Variants in DLG1 observed in about 807,000 individuals in gnomAD.
The protein encoded by DLG1 is disks large homolog 1.
Under a neutral mutation model 123.4 loss-of-function variants are expected in DLG1, and 42 were observed. The ratio of observed to expected loss-of-function variants is 0.34; its 90% CI spans 0.27 to 0.44. DLG1 has a LOEUF of 0.44. DLG1 is among the 20% of genes least tolerant of loss of function. The probability of loss-of-function intolerance (pLI) is 1.00; values close to 1 mark genes in which losing one functional copy is unlikely to be tolerated. For synonymous variants in DLG1, 317 were observed against 356.2 expected, an observed-to-expected ratio of 0.89 and a Z score of 1.24; for missense variants, 942 against 1,082.6, an observed-to-expected ratio of 0.87 and a Z score of 1.82.
chr3:197,163,150 A>T (rs959584765), intron 5 of DLG1, among the ~76,000 whole-genome samples: 2 of 152,214 alleles, frequency 1.3e-5, no homozygotes, highest in African/African-American at 4.8e-5. Context: ...ATAATGAGAG[A>T]TTACTTCACC....
intron 4 of DLG1, among the ~76,000 whole-genome samples, chr3:197,210,547 T>A (rs1208827114): frequency 7.1e-6 from 1 of 141,582 alleles, no homozygotes; most frequent in South Asian, 2.7e-4. Flanking sequence ...ATCAAGAAAT[T>A]CCCCAAAAAA....
chr3:197,113,309 T>C (rs1771150872), intron 13 of DLG1, among the ~76,000 whole-genome samples: 1 of 152,148 alleles, frequency 6.6e-6, no homozygotes, highest in Non-Finnish European at 1.5e-5. Context: ...GAAATGAGAT[T>C]CTTCTTCTTT....
intron 5 of DLG1, among the ~76,000 whole-genome samples, chr3:197,186,848 G>C (rs560570364): frequency 6.6e-6 from 1 of 152,058 alleles, no homozygotes; most frequent in Non-Finnish European, 1.5e-5. Flanking sequence ...ACGTAGCTGA[G>C]GTTACCACCA....
chr3:197,152,487 C>G (rs897957129), intron 5 of DLG1, among the ~76,000 whole-genome samples: 2 of 130,730 alleles, frequency 1.5e-5, no homozygotes, highest in African/African-American at 5.9e-5. Context: ...TTTTAAAACT[C>G]AAGTTTAGGC....
At chr3:197,082,480 G>A (rs375043546) in intron 16 of DLG1, among the ~76,000 whole-genome samples, 1 of 152,116 alleles carries the variant, frequency 6.6e-6, no homozygotes, top group African/African-American at 2.4e-5. Context: ...CTTATCAACA[G>A]CACCACAAAA....
chr3:197,298,373 A>C (rs1423572705), intron 1 of DLG1, 163 bp downstream of exon 1: 1 of 397,430 alleles, frequency 2.5e-6, no homozygotes, highest in East Asian at 3.6e-5. Context: ...TAACACTCGG[A>C]CTCCACAGGT....
intron 9 of DLG1, among the ~76,000 whole-genome samples, chr3:197,137,749 T>C (rs1241159793): frequency 6.6e-6 from 1 of 152,022 alleles, no homozygotes; most frequent in Non-Finnish European, 1.5e-5. Context: ...GTGGGAGAAC[T>C]GCTTGAGCCC....
At chr3:197,297,892 C>A (rs1176306597) in intron 1 of DLG1, 3 of 984,704 alleles carry the variant, frequency 3.0e-6, no homozygotes, top group Non-Finnish European at 3.6e-6. Context: ...CACGTACCCC[C>A]GCCCCGCCCG....
At chr3:197,058,722 A>T (rs1464807728) in intron 23 of DLG1, among the ~76,000 whole-genome samples, 1 of 152,168 alleles carries the variant, frequency 6.6e-6, no homozygotes, top group East Asian at 1.9e-4. Context: ...GTAAAGTTTT[A>T]AATTTGTGTT....
At chr3:197,075,489 A>G (rs1746626100) in intron 18 of DLG1, among the ~76,000 whole-genome samples, 1 of 151,958 alleles carries the variant, frequency 6.6e-6, no homozygotes, top group South Asian at 2.1e-4. Flanking sequence ...AACTCCAAGG[A>G]AGCATATTTC....
intron 4 of DLG1, among the ~76,000 whole-genome samples, chr3:197,198,757 A>AT (rs921009842): frequency 6.6e-6 from 1 of 152,208 alleles, no homozygotes; most frequent in Admixed American, 6.5e-5. Context: ...GAGGACCATA[A>AT]TAAAAAAAAG....
intron 14 of DLG1, among the ~76,000 whole-genome samples, chr3:197,100,047 C>A (rs1762635755): frequency 6.6e-6 from 1 of 152,144 alleles, no homozygotes; most frequent in Non-Finnish European, 1.5e-5. Flanking sequence ...GCAGTTCAAA[C>A]CTGTGTTGTT....
intron 23 of DLG1, among the ~76,000 whole-genome samples, chr3:197,057,876 G>C (rs1198614893): frequency 2.0e-5 from 3 of 151,880 alleles, no homozygotes; most frequent in Non-Finnish European, 4.4e-5. Flanking sequence ...TTTTCAAAGA[G>C]AACACTTTTG....
intron 4 of DLG1, among the ~76,000 whole-genome samples, chr3:197,243,615 T>C (rs1275560629): frequency 2.6e-5 from 4 of 152,302 alleles, no homozygotes; most frequent in Admixed American, 2.0e-4. Context: ...CTTTTTTTTT[T>C]GCTAATATCA....
chr3:197,144,885 T>C (rs927794382), intron 6 of DLG1, among the ~76,000 whole-genome samples: 1 of 152,206 alleles, frequency 6.6e-6, no homozygotes. Context: ...GGCATAATCA[T>C]AGCTCGTTGC....
chr3:197,288,105 C>T (rs992463227), intron 3 of DLG1, among the ~76,000 whole-genome samples: 3 of 152,052 alleles, frequency 2.0e-5, no homozygotes, highest in Non-Finnish European at 4.4e-5. Context: ...GTGGCTCACA[C>T]CTGTAATCCC....
chr3:197,057,301 C>A (rs970858334), intron 23 of DLG1, among the ~76,000 whole-genome samples: 2 of 152,130 alleles, frequency 1.3e-5, no homozygotes, highest in African/African-American at 4.8e-5. Context: ...GGCTGGTCTC[C>A]CAACTCCTGA....
intron 14 of DLG1, among the ~76,000 whole-genome samples, chr3:197,096,343 AT>A (rs1231221649): frequency 6.6e-6 from 1 of 152,206 alleles, no homozygotes; most frequent in Non-Finnish European, 1.5e-5. Context: ...GTCAATCTGA[AT>A]TTGAACAGCC....
At chr3:197,180,749 A>C (rs1279838885) in intron 5 of DLG1, among the ~76,000 whole-genome samples, 2 of 152,072 alleles carry the variant, frequency 1.3e-5, no homozygotes, top group African/African-American at 4.8e-5. Context: ...GGGGAAGAAA[A>C]GGCAGTGGAA....
Sources: allele counts gnomAD v4.1 joint callset (sites outside exome capture counted in the v4.1 genomes callset), GRCh38; gene constraint gnomAD v4.1.1; transcripts MANE v1.5; gene names NCBI Gene and HGNC (gene_info 2026-07-23, HGNC 2026-07-21).